RAB39A: variants seen among roughly 807,000 people sequenced by gnomAD.
RAB39A encodes the protein ras-related protein Rab-39A.
In RAB39A, 17 loss-of-function variants were observed where a neutral mutation model predicts 20.9. The observed-to-expected ratio is 0.81, with a 90% CI of 0.56 to 1.22. The LOEUF (loss-of-function observed/expected upper bound fraction) is 1.22, where lower values mean the gene tolerates loss of function less well. Among genes scored for constraint, RAB39A ranks in the 50% most tolerant of loss-of-function variants. RAB39A has a pLI of 0.00. For missense variants in RAB39A, 234 were observed against 270.5 expected, an observed-to-expected ratio of 0.87 and a Z score of 0.95; for synonymous variants, 99 against 103.4, an observed-to-expected ratio of 0.96 and a Z score of 0.26.
chr11:107,945,730 A>G (rs768648661), intron 1 of RAB39A, among the ~76,000 whole-genome samples: 3 of 152,158 alleles, frequency 2.0e-5, no homozygotes, highest in Non-Finnish European at 2.9e-5. Context: ...TCCTTCCCCC[A>G]TTCCATATAT....
Position 107,928,464 on chromosome 11 carries a change from T to G in RAB39A, c.-105T>G, listed in dbSNP as rs1279310485. On this transcript the variant is annotated 5_prime_UTR_variant, in exon 1 of 2. Transcript: ENST00000320578. This position sits in a 1 kb window ranked among gnomAD's most constrained non-coding sequence, Gnocchi z 4.9. The stretch of plus-strand genomic sequence containing the variant: ...GGCGGCCGCAGCCGCAGGAATATGC[T>G]GGAAGGCGGCGGGCGGGCGCCCGCG... The G allele has an allele frequency of 1.2e-6, 1 of 841,124 alleles. No individual in the cohort carries two copies. Among genetic ancestry groups the G allele is most frequent in the East Asian group, 3.3e-5 (1 of 30,634 alleles). 52.1% of individuals were successfully genotyped at this position (841,124 alleles called of 1,614,324 possible).
At chr11:107,949,916 T>C (rs1861357850) in intron 1 of RAB39A, among the ~76,000 whole-genome samples, 1 of 152,176 alleles carries the variant, frequency 6.6e-6, no homozygotes, top group South Asian at 2.1e-4. Flanking sequence ...CTCACACCTG[T>C]AATCCCAGCA....
chr11:107,929,929 C>CT (rs1861119728), intron 1 of RAB39A, among the ~76,000 whole-genome samples: 1 of 152,202 alleles, frequency 6.6e-6, no homozygotes, highest in South Asian at 2.1e-4. Context: ...AGCAAGTACT[C>CT]TGCTTGTGAA....
At chr11:107,947,142 C>T (rs536277066) in intron 1 of RAB39A, among the ~76,000 whole-genome samples, 2 of 151,956 alleles carry the variant, frequency 1.3e-5, no homozygotes, top group South Asian at 2.1e-4. Flanking sequence ...CACTCTGTCA[C>T]GCAGGCTGGA....
At position 107,933,317 on chromosome 11, in the gene RAB39A, G is replaced by A. The variant is rs1406879361; in HGVS notation, c.227+4522G>A. Among the ~76,000 whole-genome samples, 34 of 1,516 alleles carry A rather than the reference G, an allele frequency of 0.022. 1 individual carries two copies. The South Asian group carries it at 0.25, about 11-fold the overall frequency. The allele number at this position is 1,516 out of a possible 152,430, so 1.0% of individuals were successfully genotyped here. ...TGTGATTCTTTATATATATATATGT[G>A]TGTGTGTGTGTGTGTGTGTGTGTGT... is the stretch of plus-strand genomic sequence containing the variant. On this transcript the variant is annotated intron_variant, in intron 1 of 1. Transcript: ENST00000320578.
At chr11:107,947,904 C>T (rs1861335343) in intron 1 of RAB39A, among the ~76,000 whole-genome samples, 1 of 149,640 alleles carries the variant, frequency 6.7e-6, no homozygotes, top group Non-Finnish European at 1.5e-5. Context: ...AATCAATATG[C>T]AAGATTTCAA....
At chr11:107,947,113 T>A (rs113627854) in intron 1 of RAB39A, among the ~76,000 whole-genome samples, 3 of 152,128 alleles carry the variant, frequency 2.0e-5, no homozygotes, top group African/African-American at 7.2e-5. Context: ...AGATGATTTT[T>A]TTTTTTGAGA....
At chr11:107,955,292 CGG>C (rs1565466382) in intron 1 of RAB39A, among the ~76,000 whole-genome samples, 1 of 151,970 alleles carries the variant, frequency 6.6e-6, no homozygotes, top group African/African-American at 2.4e-5. Context: ...CCACTGCACG[CGG>C]CCAAAAGCAT....
intron 1 of RAB39A, among the ~76,000 whole-genome samples, chr11:107,950,189 A>AG (rs1861363012): frequency 6.6e-6 from 1 of 152,016 alleles, no homozygotes; most frequent in Non-Finnish European, 1.5e-5. Context: ...CAAAAAAAAA[A>AG]AAAGAAAGAA....
intron 1 of RAB39A, among the ~76,000 whole-genome samples, chr11:107,954,603 C>A (rs1393077655): frequency 6.6e-6 from 1 of 152,182 alleles, no homozygotes; most frequent in African/African-American, 2.4e-5. Flanking sequence ...CCTTCAAGTT[C>A]TCCATTGAGC....
chr11:107,934,156 G>A (rs934306923), intron 1 of RAB39A, among the ~76,000 whole-genome samples: 4 of 152,100 alleles, frequency 2.6e-5, no homozygotes, highest in Admixed American at 6.6e-5. Context: ...GGCTGGATGC[G>A]GTGAGTCACG....
chr11:107,958,669 G>A (rs371029673), intron 1 of RAB39A, among the ~76,000 whole-genome samples: 1 of 151,724 alleles, frequency 6.6e-6, no homozygotes, highest in East Asian at 1.9e-4. Flanking sequence ...TATTAATAAG[G>A]GTTTTTTTAT....
chr11:107,960,614 A>T (rs1403408523), intron 1 of RAB39A, among the ~76,000 whole-genome samples: 1 of 152,196 alleles, frequency 6.6e-6, no homozygotes, highest in Admixed American at 6.5e-5. Context: ...TGAAGTGACT[A>T]TTTCCAGAGA....
At chr11:107,930,851 G>C (rs535203721) in intron 1 of RAB39A, among the ~76,000 whole-genome samples, 1 of 142,522 alleles carries the variant, frequency 7.0e-6, no homozygotes, top group South Asian at 2.5e-4. Flanking sequence ...GCCAGACTCA[G>C]TCTCAAAAAT....
At position 107,962,356 on chromosome 11, in the gene RAB39A, A is replaced by C. The variant is rs748314516; in HGVS notation, c.638A>C (p.Lys213Thr). ...HSSEEAVKPR[K>T]ECFC ...TCTGAGGAAGCAGTAAAGCCCAGGAAAGAATGCTTCTGCTGACTTCAAACA... is the reference window on the plus strand; with the variant it reads ...TCTGAGGAAGCAGTAAAGCCCAGGACAGAATGCTTCTGCTGACTTCAAACA... Residue 213 changes from lysine to threonine, a missense_variant, in exon 2 of 2, where the codon AAA becomes ACA. Coordinates refer to ENST00000320578, the MANE Select transcript of RAB39A (RefSeq NM_017516.3). 3 of 1,602,246 alleles carry C rather than the reference A, an allele frequency of 1.9e-6. No individual in the cohort carries two copies.
intron 1 of RAB39A, among the ~76,000 whole-genome samples, chr11:107,933,725 ATCTCGGC>A (rs1227337909): frequency 6.9e-6 from 1 of 144,610 alleles, no homozygotes; most frequent in African/African-American, 2.6e-5. Context: ...CAGTGGCGCA[ATCTCGGC>A]TCACTGCAAC....
chr11:107,959,975 G>A (rs1861478558), intron 1 of RAB39A, among the ~76,000 whole-genome samples: 1 of 152,174 alleles, frequency 6.6e-6, no homozygotes, highest in Non-Finnish European at 1.5e-5. Context: ...ACTTTGGGAG[G>A]CCGAGGCAGG....
At chr11:107,942,689 T>G (rs1412319518) in intron 1 of RAB39A, among the ~76,000 whole-genome samples, 1 of 152,132 alleles carries the variant, frequency 6.6e-6, no homozygotes, top group Non-Finnish European at 1.5e-5. Context: ...AGTTTATTAG[T>G]GGTTTGCACA....
intron 1 of RAB39A, among the ~76,000 whole-genome samples, chr11:107,942,560 G>T (rs1201563502): frequency 6.6e-6 from 1 of 152,146 alleles, no homozygotes; most frequent in Non-Finnish European, 1.5e-5. Context: ...TTGGTTTCAA[G>T]TGATCCTCCT....
Sources: gnomAD v4.1 joint callset for allele counts (sites outside exome capture counted in the v4.1 genomes callset) on GRCh38, gnomAD v4.1.1 for gene constraint, Gnocchi (gnomAD v3.1) non-coding constraint, MANE v1.5 for transcripts, NCBI Gene and HGNC (gene_info 2026-07-23, HGNC 2026-07-21) for gene names.